Variants in PTPRS observed in about 807,000 individuals in gnomAD.
The protein encoded by PTPRS is protein tyrosine phosphatase receptor type S, also known as receptor-type tyrosine-protein phosphatase S.
A neutral mutation model predicts 215.3 loss-of-function variants in PTPRS; 63 were observed. The observed-to-expected ratio is 0.29, with a 90% CI of 0.24 to 0.36. The LOEUF (loss-of-function observed/expected upper bound fraction) is 0.36. Among genes scored for constraint, PTPRS ranks in the 10% least tolerant of loss-of-function variants. The pLI is 1.00. For missense variants in PTPRS, 2,258 were observed against 2,825.8 expected (o/e 0.80, Z 4.56); for synonymous variants, 1,404 against 1,191.4 (o/e 1.18, Z -3.68).
chr19:5,277,668 A>C, intron 2 of PTPRS: 1 of 480,042 alleles, frequency 2.1e-6, no homozygotes, highest in East Asian at 4.6e-5. Context: ...AAAAAAAAAA[A>C]AGGAGGAAAA....
At position 5,293,368 on chromosome 19, in the gene PTPRS, G is replaced by T. The variant is rs965431937; in HGVS notation, c.-94-7134C>A. 6.6e-6 allele frequency: 1 copy of T among 151,602 alleles called. No homozygotes were observed. The highest frequency in any genetic ancestry group is 1.5e-5 in the Non-Finnish European group (1 of 67,834). 9.4% of individuals were successfully genotyped at this position (151,602 alleles called of 1,614,324 possible). On this transcript the variant is annotated intron_variant, in intron 1 of 37. Transcript: ENST00000262963. This position sits in a 1 kb window ranked among gnomAD's most constrained non-coding sequence, Gnocchi z 8.4. Reference sequence around the variant, plus strand: ...CGGGCCCCGAGGAGGGGGATTGGGGGGCAGGGCGGGGCCCCGGCCGGAAGT... The same window carrying T: ...CGGGCCCCGAGGAGGGGGATTGGGGTGCAGGGCGGGGCCCCGGCCGGAAGT...
chr19:5,309,227 G>T (rs1219918495), intron 1 of PTPRS, among the ~76,000 whole-genome samples: 1 of 152,154 alleles, frequency 6.6e-6, no homozygotes, highest in African/African-American at 2.4e-5. Context: ...TGTGCCACGT[G>T]CTGTGTGGCC....
At chr19:5,340,189 A>T (rs1432320230) in intron 1 of PTPRS, among the ~76,000 whole-genome samples, 1 of 148,496 alleles carries the variant, frequency 6.7e-6, no homozygotes, top group African/African-American at 2.5e-5. Context: ...CATGCCCCCC[A>T]TCCCCCGGCA....
intron 1 of PTPRS, among the ~76,000 whole-genome samples, chr19:5,299,094 CAGTCT>C (rs1444028022): frequency 1.3e-5 from 2 of 152,236 alleles, no homozygotes; most frequent in African/African-American, 4.8e-5. Flanking sequence ...CCTCGCCCTC[CAGTCT>C]GTCCTCCCCA....
At chr19:5,274,115 C>A in intron 3 of PTPRS, 84 bp downstream of exon 3, 1 of 1,522,832 alleles carries the variant, frequency 6.6e-7, no homozygotes. Context: ...GGAACGTGTC[C>A]ACGAAGTCCA....
At chr19:5,256,863 T>A (rs1417107080) in intron 8 of PTPRS, among the ~76,000 whole-genome samples, 1 of 151,396 alleles carries the variant, frequency 6.6e-6, no homozygotes, top group African/African-American at 2.4e-5. Flanking sequence ...ACGAAGGTGG[T>A]GAGTGAGGGT....
At chr19:5,296,673 G>A (rs1254129739) in intron 1 of PTPRS, among the ~76,000 whole-genome samples, 1 of 145,812 alleles carries the variant, frequency 6.9e-6, no homozygotes. Context: ...TGGCGAGGAG[G>A]CCAGTGTTGC....
chr19:5,274,157 G>A lies in PTPRS; in HGVS notation c.237+42C>T, dbSNP rs1309433451. 12 of 1,583,342 alleles carry A rather than the reference G, an allele frequency of 7.6e-6. No individual in the cohort carries two copies. In the South Asian group the frequency reaches 9.0e-5, roughly 12 times the overall value. ...CTGAGGTGCTGTGGCCCTGCCTTGGGGGAGCATTGACCCCAGGCTGCCTCC... is the reference window on the plus strand; with the variant it reads ...CTGAGGTGCTGTGGCCCTGCCTTGGAGGAGCATTGACCCCAGGCTGCCTCC... On this transcript the variant is annotated intron_variant, in intron 3 of 37. Coordinates refer to ENST00000262963, the MANE Select transcript of PTPRS (RefSeq NM_002850.4).
chr19:5,317,244 G>A (rs1170980875), intron 1 of PTPRS, among the ~76,000 whole-genome samples: 2 of 152,158 alleles, frequency 1.3e-5, no homozygotes, highest in Non-Finnish European at 2.9e-5. Flanking sequence ...GGGAGAGGTG[G>A]GTGGATTACT....
At chr19:5,222,310 G>C in intron 18 of PTPRS, 90 bp from the exon 19 acceptor site, 1 of 1,081,280 alleles carries the variant, frequency 9.2e-7, no homozygotes, top group Non-Finnish European at 1.4e-6. Context: ...GTGGGGTGGG[G>C]CGGCCCAGGC....
chr19:5,290,383 T>G (rs1447524593), intron 1 of PTPRS, among the ~76,000 whole-genome samples: 2 of 152,192 alleles, frequency 1.3e-5, no homozygotes, highest in African/African-American at 2.4e-5. Flanking sequence ...TCTCTGGGAC[T>G]GGTAGAGCCC....
chr19:5,295,783 C>T lies in PTPRS; in HGVS notation c.-94-9549G>A, dbSNP rs1257240957. On this transcript the variant is annotated intron_variant, in intron 1 of 37. Coordinates refer to ENST00000262963, the MANE Select transcript of PTPRS (RefSeq NM_002850.4). This position sits in a 1 kb window ranked among gnomAD's most constrained non-coding sequence, Gnocchi z 4.6. Reference sequence around the variant, plus strand: ...CAAGACAGGGTCTCGCTCTGTTGCTCAGGCTGGAGTGCAGTGGCACCATCA... The same window carrying T: ...CAAGACAGGGTCTCGCTCTGTTGCTTAGGCTGGAGTGCAGTGGCACCATCA... 2.6e-5 allele frequency among the ~76,000 whole-genome samples: 4 copies of T among 152,194 alleles called. No homozygotes were observed. Among genetic ancestry groups the T allele is most frequent in the African/African-American group, 9.7e-5 (4 of 41,444 alleles).
intron 1 of PTPRS, among the ~76,000 whole-genome samples, chr19:5,328,645 C>T (rs2050234333): frequency 6.6e-6 from 1 of 152,182 alleles, no homozygotes; most frequent in South Asian, 2.1e-4. Flanking sequence ...CCTGGCCTCC[C>T]TGCCCAAGGG....
At chr19:5,311,776 C>T (rs903792709) in intron 1 of PTPRS, among the ~76,000 whole-genome samples, 1 of 152,160 alleles carries the variant, frequency 6.6e-6, no homozygotes, top group East Asian at 1.9e-4. Flanking sequence ...TGCGGTGGCT[C>T]ACGCCTGTAA....
At chr19:5,285,739 G>A (rs2146874143) in intron 2 of PTPRS, among the ~76,000 whole-genome samples, 1 of 152,344 alleles carries the variant, frequency 6.6e-6, no homozygotes, top group Admixed American at 6.5e-5. Context: ...CAGGCTCAAG[G>A]GAGAGGAAGC....
At chr19:5,219,192 G>A (rs879211927) in intron 23 of PTPRS, 118 bp downstream of exon 23, 2 of 1,372,416 alleles carry the variant, frequency 1.5e-6, no homozygotes, top group Non-Finnish European at 2.0e-6. Context: ...TCTGAACTTC[G>A]GTTTCCCCAT....
chr19:5,226,039 A>C (rs538257737), intron 16 of PTPRS, among the ~76,000 whole-genome samples, 195 bp from the exon 17 acceptor site: 1 of 152,214 alleles, frequency 6.6e-6, no homozygotes, highest in South Asian at 2.1e-4. Context: ...ACCCAGCCGG[A>C]CGAGCCCATT....
At chr19:5,267,511 G>A (rs1568521369) in intron 4 of PTPRS, among the ~76,000 whole-genome samples, 2 of 151,874 alleles carry the variant, frequency 1.3e-5, no homozygotes, top group Admixed American at 6.6e-5. Context: ...ACAGAAATTA[G>A]CCAGGCATGG....
chr19:5,331,991 G>A (rs548203018), intron 1 of PTPRS, among the ~76,000 whole-genome samples: 1 of 152,260 alleles, frequency 6.6e-6, no homozygotes, highest in African/African-American at 2.4e-5. Context: ...TGGAAACTGA[G>A]GCCCGCGGAC....
Sources: gnomAD v4.1 joint callset for allele counts (sites outside exome capture counted in the v4.1 genomes callset) on GRCh38, gnomAD v4.1.1 for gene constraint, Gnocchi (gnomAD v3.1) non-coding constraint, MANE v1.5 for transcripts, NCBI Gene and HGNC (gene_info 2026-07-23, HGNC 2026-07-21) for gene names.